Variants in TRERF1 observed in about 807,000 individuals in gnomAD.
TRERF1 encodes the protein transcriptional-regulating factor 1.
A neutral mutation model predicts 122.9 loss-of-function variants in TRERF1; 27 were observed. That is an observed-to-expected ratio of 0.22 (90% CI 0.16 to 0.30). TRERF1 has a LOEUF of 0.30. Among genes scored for constraint, TRERF1 ranks in the 10% least tolerant of loss-of-function variants. TRERF1 has a pLI of 1.00. For missense variants in TRERF1, 1,248 were observed against 1,560.3 expected (o/e 0.80, Z 3.37); for synonymous variants, 636 against 641.7 (o/e 0.99, Z 0.13).
At chr6:42,271,549 G>A (rs539350475) in intron 4 of TRERF1, among the ~76,000 whole-genome samples, 3 of 152,108 alleles carry the variant, frequency 2.0e-5, no homozygotes, top group African/African-American at 7.2e-5. Context: ...ATACATAAAG[G>A]TGTATATGTC....
intron 2 of TRERF1, among the ~76,000 whole-genome samples, chr6:42,366,799 T>C (rs557847656): frequency 1.2e-4 from 19 of 152,280 alleles, no homozygotes; most frequent in African/African-American, 4.6e-4. Context: ...AATTCTGGGA[T>C]TCCCAGAGCC....
At chr6:42,432,104 A>G (rs1270687334) in intron 2 of TRERF1, among the ~76,000 whole-genome samples, 1 of 152,200 alleles carries the variant, frequency 6.6e-6, no homozygotes, top group East Asian at 1.9e-4. Flanking sequence ...CATGCCTCAG[A>G]TTCCTCTTCT....
At chr6:42,313,435 G>C (rs1190476691) in intron 3 of TRERF1, among the ~76,000 whole-genome samples, 1 of 152,116 alleles carries the variant, frequency 6.6e-6, no homozygotes, top group Non-Finnish European at 1.5e-5. Context: ...CTCTCTCTCT[G>C]TTTCTCTCTC....
At chr6:42,394,927 C>T (rs1258124360) in intron 2 of TRERF1, among the ~76,000 whole-genome samples, 1 of 152,240 alleles carries the variant, frequency 6.6e-6, no homozygotes, top group Non-Finnish European at 1.5e-5. Context: ...TTCTTCACTA[C>T]CGCCCACCAC....
At chr6:42,413,428 ATT>A (rs5875802) in intron 2 of TRERF1, among the ~76,000 whole-genome samples, 193 of 119,034 alleles carry the variant, frequency 1.6e-3, no homozygotes, top group African/African-American at 5.5e-3. Flanking sequence ...CAGAATCTGC[ATT>A]TTTTTTTTTT....
chr6:42,434,513 T>C (rs979639873), intron 2 of TRERF1, among the ~76,000 whole-genome samples: 6 of 151,350 alleles, frequency 4.0e-5, no homozygotes, highest in African/African-American at 1.2e-4. Context: ...TCCAAAGGAC[T>C]GAAAGAAAAT....
chr6:42,238,835 T>TCACACACA (rs58223539), intron 15 of TRERF1, among the ~76,000 whole-genome samples: 10,915 of 142,894 alleles, frequency 0.076, 511 homozygotes, highest in East Asian at 0.22. Flanking sequence ...ATCATGCATT[T>TCACACACA]CACACACACA....
chr6:42,317,732 A>G (rs1762722348), intron 3 of TRERF1, among the ~76,000 whole-genome samples: 1 of 152,206 alleles, frequency 6.6e-6, no homozygotes, highest in Admixed American at 6.5e-5. Context: ...ACAAAATAAA[A>G]AGAAGAAAAA....
chr6:42,263,817 A>T lies in TRERF1; in HGVS notation c.1636-249T>A, dbSNP rs77349305. 0.047 allele frequency among the ~76,000 whole-genome samples: 7,123 copies of T among 151,626 alleles called. 293 individuals are homozygous for T. Among genetic ancestry groups the T allele is most frequent in the African/African-American group, 0.1 (4,291 of 40,932 alleles). On this transcript the variant is annotated intron_variant, in intron 7 of 17. Coordinates refer to ENST00000372922, the Ensembl canonical transcript of TRERF1. The surrounding 1 kb of genome is among the most constrained non-coding windows in gnomAD (Gnocchi z 5.6). Reference sequence around the variant, plus strand: ...CATTACTTGTGTATTAAACTATTTTAAAAAAATTGTGTGGTTGTCATGCTT... The same window carrying T: ...CATTACTTGTGTATTAAACTATTTTTAAAAAATTGTGTGGTTGTCATGCTT...
chr6:42,283,611 CTTTTTTTT>C (rs869206003), intron 4 of TRERF1, among the ~76,000 whole-genome samples: 1 of 107,998 alleles, frequency 9.3e-6, no homozygotes, highest in Non-Finnish European at 1.9e-5. Flanking sequence ...ATGAAAAAAA[CTTTTTTTT>C]TTTTTTTTTT....
Position 42,263,693 on chromosome 6 carries a change from T to C in TRERF1, c.1636-125A>G. 7.9e-7 allele frequency: 1 copy of C among 1,265,500 alleles called. No homozygotes were observed. Among genetic ancestry groups the C allele is most frequent in the Non-Finnish European group, 1.0e-6 (1 of 987,920 alleles). 78.4% of individuals were successfully genotyped at this position (1,265,500 alleles called of 1,614,324 possible). A position where few individuals can be genotyped will look rare whatever the true frequency, so the allele number is the denominator to read the frequency against. On this transcript the variant is annotated intron_variant, in intron 7 of 17. Transcript: ENST00000372922. The surrounding 1 kb of genome is among the most constrained non-coding windows in gnomAD (Gnocchi z 5.6). Reference sequence around the variant, plus strand: ...GTGATAGAGAACCGCTGCAGGGCGATTTCCTTCCTGCAATCCTGAGTCCCT... The same window carrying C: ...GTGATAGAGAACCGCTGCAGGGCGACTTCCTTCCTGCAATCCTGAGTCCCT...
At chr6:42,357,341 A>T (rs993476790) in intron 3 of TRERF1, among the ~76,000 whole-genome samples, 1 of 151,716 alleles carries the variant, frequency 6.6e-6, no homozygotes, top group South Asian at 2.1e-4. Context: ...AAAAAAAAAA[A>T]AAAAAAAAAA....
rs1394472214 is a variant in TRERF1, at chr6:42,259,169, G to A, written c.2269+170C>T. Among the ~76,000 whole-genome samples the A allele has an allele frequency of 3.3e-5, 5 of 152,182 alleles. No individual in the cohort carries two copies. The highest frequency in any genetic ancestry group is 1.2e-4 in the African/African-American group (5 of 41,436). Reference sequence around the variant, plus strand: ...CCCAATTAGACTGCGATTCCCTTGAGGATAAGGGCTATGTATTCCAAGTCT... The same window carrying A: ...CCCAATTAGACTGCGATTCCCTTGAAGATAAGGGCTATGTATTCCAAGTCT... On this transcript the variant is annotated intron_variant, in intron 9 of 17. Coordinates refer to ENST00000372922, the Ensembl canonical transcript of TRERF1. The surrounding 1 kb of genome is among the most constrained non-coding windows in gnomAD (Gnocchi z 4.9).
At chr6:42,411,048 T>C (rs986052189) in intron 2 of TRERF1, among the ~76,000 whole-genome samples, 1 of 152,122 alleles carries the variant, frequency 6.6e-6, no homozygotes, top group African/African-American at 2.4e-5. Flanking sequence ...AACAAAATTA[T>C]GAATAGTCCC....
At chr6:42,414,185 C>A (rs901825333) in intron 2 of TRERF1, among the ~76,000 whole-genome samples, 2 of 152,116 alleles carry the variant, frequency 1.3e-5, no homozygotes, top group South Asian at 2.1e-4. Context: ...GAAAAACAAC[C>A]AAGGGGAAAG....
chr6:42,243,240 T>C lies in TRERF1; in HGVS notation c.2859+8A>G. On this transcript the variant is annotated splice_region_variant and intron_variant, in intron 15 of 17. Coordinates refer to ENST00000372922, the Ensembl canonical transcript of TRERF1. ...CAGCACAAGCAACAACTTAGCAGCTTCACTCACCACACAATCGTCGATGAT... is the reference window on the plus strand; with the variant it reads ...CAGCACAAGCAACAACTTAGCAGCTCCACTCACCACACAATCGTCGATGAT... 1 of 1,611,894 alleles carries C rather than the reference T, an allele frequency of 6.2e-7. No homozygotes were observed. Among genetic ancestry groups the C allele is most frequent in the Non-Finnish European group, 8.5e-7 (1 of 1,178,056 alleles).
intron 2 of TRERF1, among the ~76,000 whole-genome samples, chr6:42,368,720 T>C (rs1031533732): frequency 4.6e-5 from 7 of 152,208 alleles, no homozygotes; most frequent in African/African-American, 1.7e-4. Flanking sequence ...CGCTTTGGAC[T>C]TCTGGGTCAA....
chr6:42,327,548 C>T (rs752971322), intron 3 of TRERF1, among the ~76,000 whole-genome samples: 4 of 152,160 alleles, frequency 2.6e-5, no homozygotes, highest in Non-Finnish European at 4.4e-5. Flanking sequence ...CTCCGAGTGC[C>T]GAGCTATCCC....
At chr6:42,243,944 T>C (rs1774270370) in intron 14 of TRERF1, among the ~76,000 whole-genome samples, 1 of 147,038 alleles carries the variant, frequency 6.8e-6, no homozygotes, top group Non-Finnish European at 1.5e-5. Context: ...AGTGGCACCA[T>C]CTTGGCTCAC....
Sources: gnomAD v4.1 joint callset for allele counts (sites outside exome capture counted in the v4.1 genomes callset) on GRCh38, gnomAD v4.1.1 for gene constraint, Gnocchi (gnomAD v3.1) non-coding constraint, MANE v1.5 for transcripts, NCBI Gene and HGNC (gene_info 2026-07-23, HGNC 2026-07-21) for gene names.